Variants in PTCHD4 observed in about 807,000 individuals in gnomAD.
PTCHD4 encodes patched domain containing 4, also known as patched domain-containing protein 4.
In PTCHD4, 33 loss-of-function variants were observed where a neutral mutation model predicts 58.1. The ratio of observed to expected loss-of-function variants is 0.57; its 90% confidence interval spans 0.43 to 0.76. The LOEUF is 0.76. Among genes scored for constraint, PTCHD4 ranks in the 30% least tolerant of loss-of-function variants. The pLI is 0.00. For synonymous variants in PTCHD4, 478 were observed against 409.6 expected, an observed-to-expected ratio of 1.17 and a Z score of -2.02; for missense variants, 1,058 against 1,027.1, an observed-to-expected ratio of 1.03 and a Z score of -0.41.
intron 4 of PTCHD4, among the ~76,000 whole-genome samples, chr6:47,952,489 A>T (rs1766691652): frequency 6.6e-6 from 1 of 152,106 alleles, no homozygotes; most frequent in South Asian, 2.1e-4. Context: ...TAGAATAAGT[A>T]TATACCGCCC....
chr6:48,087,999 C>G (rs748219776), intron 1 of PTCHD4, among the ~76,000 whole-genome samples: 12 of 151,902 alleles, frequency 7.9e-5, no homozygotes, highest in Admixed American at 7.2e-4. Flanking sequence ...AATATATAAC[C>G]CAATTGGCTG....
intron 4 of PTCHD4, among the ~76,000 whole-genome samples, chr6:47,985,961 T>C (rs1768051080): frequency 6.8e-6 from 1 of 147,078 alleles, no homozygotes; most frequent in African/African-American, 2.5e-5. Flanking sequence ...TAATTGTCTA[T>C]GTAAGCATAT....
chr6:47,936,786 A>G (rs1348045912), intron 4 of PTCHD4, among the ~76,000 whole-genome samples: 1 of 152,202 alleles, frequency 6.6e-6, no homozygotes, highest in Non-Finnish European at 1.5e-5. Context: ...GATAAGAAAT[A>G]ATATAATAAA....
At chr6:48,048,375 T>C (rs746505326) in intron 3 of PTCHD4, among the ~76,000 whole-genome samples, 48 of 151,990 alleles carry the variant, frequency 3.2e-4, no homozygotes, top group Non-Finnish European at 3.5e-4. Flanking sequence ...CTGGGGAAAA[T>C]ATTTTTTAGA....
chr6:48,038,334 G>A (rs1190988148), intron 3 of PTCHD4, among the ~76,000 whole-genome samples: 1 of 151,972 alleles, frequency 6.6e-6, no homozygotes, highest in African/African-American at 2.4e-5. Flanking sequence ...TGGGTTCTAA[G>A]GAAAGGAAGA....
intron 3 of PTCHD4, among the ~76,000 whole-genome samples, chr6:48,058,149 T>C (rs631855): frequency 0.13 from 20,434 of 152,296 alleles, 1,346 homozygotes; most frequent in Admixed American, 0.18. Context: ...ATGAAATCAG[T>C]ATTTTTAAAG....
At chr6:47,981,120 G>T (rs935853197) in intron 4 of PTCHD4, among the ~76,000 whole-genome samples, 6 of 152,098 alleles carry the variant, frequency 3.9e-5, no homozygotes, top group Non-Finnish European at 7.4e-5. Flanking sequence ...GGGTAATGAT[G>T]AATATTTTAT....
At chr6:48,001,419 C>T (rs1184868421) in intron 4 of PTCHD4, among the ~76,000 whole-genome samples, 1 of 152,102 alleles carries the variant, frequency 6.6e-6, no homozygotes, top group East Asian at 1.9e-4. Flanking sequence ...AGATATAGAC[C>T]AACGGAACAG....
chr6:47,943,839 G>T (rs1425209089), intron 4 of PTCHD4, among the ~76,000 whole-genome samples: 1 of 151,900 alleles, frequency 6.6e-6, no homozygotes, highest in Non-Finnish European at 1.5e-5. Context: ...GTTCCATCTG[G>T]CTACAAAGGC....
At chr6:47,986,992 C>CTT in intron 4 of PTCHD4, among the ~76,000 whole-genome samples, 1 of 151,694 alleles carries the variant, frequency 6.6e-6, no homozygotes, top group African/African-American at 2.4e-5. Flanking sequence ...GTGGCAAAAC[C>CTT]TTTTTTTTGA....
chr6:47,884,422 C>T (rs1183302150), intron 4 of PTCHD4, among the ~76,000 whole-genome samples: 1 of 152,138 alleles, frequency 6.6e-6, no homozygotes, highest in Admixed American at 6.6e-5. Flanking sequence ...ATTTTATTCC[C>T]TGCAGTTCCA....
intron 4 of PTCHD4, among the ~76,000 whole-genome samples, chr6:47,986,585 T>G (rs1364974548): frequency 2.6e-5 from 4 of 152,310 alleles, no homozygotes; most frequent in Non-Finnish European, 5.9e-5. Flanking sequence ...ATGTGACTGC[T>G]TCTACCTGTC....
chr6:48,077,284 AAG>A (rs1372862754), intron 1 of PTCHD4, among the ~76,000 whole-genome samples: 3 of 152,202 alleles, frequency 2.0e-5, no homozygotes, highest in African/African-American at 7.2e-5. Context: ...TGCTCCTTAT[AAG>A]AGAGTCCGCC....
chr6:48,086,349 A>G lies in PTCHD4; in HGVS notation c.-969-16423T>C, dbSNP rs9381637. Among the ~76,000 whole-genome samples the G allele has an allele frequency of 1.4e-4, 22 of 152,324 alleles. No homozygotes were observed. In the East Asian group the frequency reaches 4.0e-3, roughly 28 times the overall value. ...ATTTAAAGAAGAAGACCCCATTCTT[A>G]GTTCATTATTTATAAATAAACAGGC... On this transcript the variant is annotated intron_variant, in intron 1 of 4. Coordinates refer to ENST00000339488, the MANE Select transcript of PTCHD4 (RefSeq NM_001384253.1).
At chr6:48,014,515 CTTAGTTCATGGCTAATTCA>C (rs1762799865) in intron 3 of PTCHD4, among the ~76,000 whole-genome samples, 2 of 152,014 alleles carry the variant, frequency 1.3e-5, no homozygotes, top group African/African-American at 4.8e-5. Context: ...GTAAAAGTTC[CTTAGTTCATGGCTAATTCA>C]TTAGTTCATG....
At chr6:47,938,964 G>T (rs1014878148) in intron 4 of PTCHD4, among the ~76,000 whole-genome samples, 1 of 152,096 alleles carries the variant, frequency 6.6e-6, no homozygotes, top group Non-Finnish European at 1.5e-5. Context: ...AGGGAGTTCA[G>T]GGTACAAGAA....
At chr6:47,960,985 A>T (rs1453574491) in intron 4 of PTCHD4, among the ~76,000 whole-genome samples, 2 of 150,268 alleles carry the variant, frequency 1.3e-5, no homozygotes, top group Non-Finnish European at 3.0e-5. Flanking sequence ...AAAAAAAGAG[A>T]CAGTGTCTTG....
Position 48,088,985 on chromosome 6 carries a change from C to T in PTCHD4, c.-969-19059G>A, listed in dbSNP as rs1765313144. On this transcript the variant is annotated intron_variant, in intron 1 of 4. Coordinates refer to ENST00000339488, the MANE Select transcript of PTCHD4 (RefSeq NM_001384253.1). ...GCTTGAACCCAGGAGGCGGAGGTTG[C>T]ATTGAGCCAAAAATCACACCATTGC... 2.0e-5 allele frequency among the ~76,000 whole-genome samples: 3 copies of T among 152,106 alleles called. No homozygotes were observed. The South Asian group carries it at 6.2e-4, about 32-fold the overall frequency.
chr6:48,078,939 A>G (rs1765110940), intron 1 of PTCHD4, among the ~76,000 whole-genome samples: 1 of 152,082 alleles, frequency 6.6e-6, no homozygotes, highest in Non-Finnish European at 1.5e-5. Context: ...TAACACGGTG[A>G]AACCCCGTCT....
Sources: gnomAD v4.1 joint callset for allele counts (sites outside exome capture counted in the v4.1 genomes callset) on GRCh38, gnomAD v4.1.1 for gene constraint, MANE v1.5 for transcripts, NCBI Gene and HGNC (gene_info 2026-07-23, HGNC 2026-07-21) for gene names.